ACACA: variants seen among roughly 807,000 people sequenced by gnomAD.
The protein encoded by ACACA is acetyl-CoA carboxylase alpha.
In ACACA, 103 loss-of-function variants were observed where a neutral mutation model predicts 296.1. That is an observed-to-expected ratio of 0.35 (90% confidence interval 0.30 to 0.41). The LOEUF (loss-of-function observed/expected upper bound fraction) is 0.41, where lower values mean the gene tolerates loss of function less well. Ranked by LOEUF, ACACA falls within the 10% of genes least tolerant of loss-of-function variation. The probability of loss-of-function intolerance (pLI) is 1.00; values close to 1 mark genes in which losing one functional copy is unlikely to be tolerated. For synonymous variants in ACACA, 953 were observed against 1,038.6 expected (o/e 0.92, Z 1.58); for missense variants, 1,554 against 2,989.7 (o/e 0.52, Z 11.20).
intron 52 of ACACA, among the ~76,000 whole-genome samples, chr17:37,110,167 TG>T (rs1370817483): frequency 6.6e-6 from 1 of 152,200 alleles, no homozygotes; most frequent in Non-Finnish European, 1.5e-5. Flanking sequence ...TTGCTGCCTT[TG>T]TATGGAATTA....
intron 39 of ACACA, among the ~76,000 whole-genome samples, chr17:37,184,385 A>G (rs1436478870): frequency 6.6e-6 from 1 of 152,214 alleles, no homozygotes; most frequent in East Asian, 1.9e-4. Context: ...GTGTCAAGAT[A>G]TTGCCTGCCC....
At chr17:37,344,448 C>T (rs1467770922) in intron 1 of ACACA, among the ~76,000 whole-genome samples, 1 of 151,548 alleles carries the variant, frequency 6.6e-6, no homozygotes, top group African/African-American at 2.4e-5. Flanking sequence ...ATCCCAGCTA[C>T]CTGGGAGGCT....
intron 52 of ACACA, among the ~76,000 whole-genome samples, chr17:37,099,791 A>C (rs2073252948): frequency 6.6e-6 from 1 of 152,172 alleles, no homozygotes. Context: ...CCTTCTCCAC[A>C]GAAAGAAACC....
intron 41 of ACACA, 25 bp from the exon 42 acceptor site, chr17:37,162,075 G>A: frequency 6.2e-7 from 1 of 1,613,880 alleles, no homozygotes; most frequent in South Asian, 1.1e-5. Context: ...ACAAACAAAT[G>A]AACAGAAGTT....
At chr17:37,273,884 G>T (rs781457114) in intron 9 of ACACA, among the ~76,000 whole-genome samples, 1 of 152,180 alleles carries the variant, frequency 6.6e-6, no homozygotes, top group African/African-American at 2.4e-5. Flanking sequence ...GAGAGAGAGA[G>T]AATCAGCACC....
intron 52 of ACACA, among the ~76,000 whole-genome samples, chr17:37,098,374 C>T (rs1319543514): frequency 6.6e-6 from 1 of 152,250 alleles, no homozygotes. Flanking sequence ...TCCCTGCTGA[C>T]CAGCATCAAA....
intron 3 of ACACA, among the ~76,000 whole-genome samples, chr17:37,305,899 T>TG (rs2083855017): frequency 1.0e-5 from 1 of 96,752 alleles, no homozygotes; most frequent in African/African-American, 6.8e-5. Flanking sequence ...GCAGTTTTTT[T>TG]TTTTGTTTTT....
intron 55 of ACACA, 102 bp from the exon 56 acceptor site, chr17:37,087,541 C>A (rs781754408): frequency 3.5e-6 from 5 of 1,418,146 alleles, no homozygotes; most frequent in Middle Eastern, 1.8e-4. Context: ...CCGTCCACTG[C>A]AGACATTTTA....
chr17:37,332,648 C>T (rs1267014673), intron 2 of ACACA, among the ~76,000 whole-genome samples: 2 of 151,406 alleles, frequency 1.3e-5, no homozygotes, highest in Admixed American at 6.6e-5. Context: ...CGGTGGCTCA[C>T]GCCTGTAAAT....
intron 45 of ACACA, chr17:37,141,133 G>T: frequency 2.1e-6 from 1 of 481,558 alleles, no homozygotes; most frequent in South Asian, 1.7e-5. Context: ...GCAAGCACGC[G>T]TCTGCTTCTG....
At chr17:37,151,180 T>A in intron 44 of ACACA, 121 bp downstream of exon 44, 1 of 1,128,932 alleles carries the variant, frequency 8.9e-7, no homozygotes, top group African/African-American at 1.6e-5. Flanking sequence ...AAAATATAAT[T>A]ATAGACATAC....
At chr17:37,166,475 C>T (rs1344256338) in intron 41 of ACACA, among the ~76,000 whole-genome samples, 1 of 152,110 alleles carries the variant, frequency 6.6e-6, no homozygotes, top group Non-Finnish European at 1.5e-5. Flanking sequence ...ATACTTAACA[C>T]CAAGGGCTTA....
At chr17:37,269,045 G>A (rs1158663185) in intron 10 of ACACA, among the ~76,000 whole-genome samples, 71 of 89,426 alleles carry the variant, frequency 7.9e-4, no homozygotes, top group Middle Eastern at 4.9e-3. Flanking sequence ...TGAAAAAAAT[G>A]TAAAAAAAAA....
chr17:37,244,693 C>A lies in ACACA; in HGVS notation c.2637G>T (p.Thr879=), dbSNP rs753191777. The A allele has an allele frequency of 6.2e-6, 10 of 1,614,006 alleles. No individual in the cohort carries two copies. The highest frequency in any genetic ancestry group is 8.5e-6 in the Non-Finnish European group (10 of 1,180,026). ...HTGSLPRIQS[T]ALRGEKLHRV... ...GATGGAGTTTCTCGCCTCTGAGTGC[C>A]GTGCTCTGGATCCGTGGCAGACTAC... is the stretch of plus-strand genomic sequence containing the variant. The change falls in exon 21 of 56, where the codon ACG becomes ACT. Residue 879 remains threonine (T), a synonymous_variant. Transcript: ENST00000616317.
At chr17:37,378,553 A>C (rs1038957106) in intron 1 of ACACA, among the ~76,000 whole-genome samples, 8 of 152,124 alleles carry the variant, frequency 5.3e-5, no homozygotes, top group African/African-American at 1.7e-4. Context: ...TCTCTACTAA[A>C]GATACAAAAA....
intron 3 of ACACA, among the ~76,000 whole-genome samples, chr17:37,308,257 A>T (rs2083973277): frequency 6.6e-6 from 1 of 152,210 alleles, no homozygotes; most frequent in Admixed American, 6.5e-5. Flanking sequence ...AAATATTTTA[A>T]TTGAATAATA....
At chr17:37,174,020 A>ATATATATATTTTTTTTTTT (rs552735515) in intron 41 of ACACA, among the ~76,000 whole-genome samples, 1 of 16,798 alleles carries the variant, frequency 6.0e-5, no homozygotes, top group African/African-American at 2.6e-4. Context: ...ATATATATAT[A>ATATATATATTTTTTTTTTT]TTTTTTTTTT....
intron 3 of ACACA, among the ~76,000 whole-genome samples, chr17:37,314,950 C>CTTTTTTT (rs71284913): frequency 2.6e-4 from 16 of 60,824 alleles, no homozygotes; most frequent in South Asian, 6.7e-4. Flanking sequence ...GCCAGGAATG[C>CTTTTTTT]TTTTTTTTTT....
At chr17:37,401,106 T>C (rs2051269741) in intron 1 of ACACA, among the ~76,000 whole-genome samples, 1 of 152,190 alleles carries the variant, frequency 6.6e-6, no homozygotes, top group South Asian at 2.1e-4. Context: ...CTCATGGTAG[T>C]TTTAATTCAC....
Sources: allele counts gnomAD v4.1 joint callset (sites outside exome capture counted in the v4.1 genomes callset), GRCh38; gene constraint gnomAD v4.1.1; transcripts MANE v1.5; gene names NCBI Gene and HGNC (gene_info 2026-07-23, HGNC 2026-07-21).